The following NID2 variants were observed in gnomAD, a reference collection of about 807,000 sequenced individuals.
NID2 encodes nidogen 2, also known as nidogen-2.
NID2 carries 83 observed loss-of-function variants against 145.4 expected under a neutral mutation model. The observed-to-expected ratio is 0.57, with a 90% CI of 0.48 to 0.69. The LOEUF is 0.69. Among genes scored for constraint, NID2 ranks in the 30% least tolerant of loss-of-function variants. NID2 has a pLI of 0.00. For synonymous variants in NID2, 739 were observed against 701.3 expected (o/e 1.05, Z -0.85); for missense variants, 1,807 against 1,765.7 (o/e 1.02, Z -0.42).
At chr14:52,035,881 T>TATATATATA (rs1294844874) in intron 9 of NID2, among the ~76,000 whole-genome samples, 8 of 49,516 alleles carry the variant, frequency 1.6e-4, no homozygotes, top group Non-Finnish European at 3.8e-4. Context: ...TATATATATG[T>TATATATATA]TTTATTTTGT....
intron 18 of NID2, chr14:52,009,425 C>T (rs1370896607): frequency 1.3e-5 from 2 of 152,184 alleles, no homozygotes; most frequent in Non-Finnish European, 2.9e-5. Flanking sequence ...TGCAGGAAGG[C>T]TTGACAACCA....
intron 2 of NID2, among the ~76,000 whole-genome samples, chr14:52,067,455 G>T (rs1893259345): frequency 6.6e-6 from 1 of 152,298 alleles, no homozygotes; most frequent in African/African-American, 2.4e-5. Context: ...GTGGGAAAAT[G>T]AGTGGTTGTT....
rs529961909 is a variant in NID2, at chr14:52,034,876, T to C, written c.2257+3871A>G. Among the ~76,000 whole-genome samples the C allele has an allele frequency of 4.6e-5, 7 of 152,346 alleles. No individual in the cohort carries two copies. The East Asian group carries it at 1.3e-3, about 29-fold the overall frequency. On this transcript the variant is annotated intron_variant, in intron 9 of 21. Coordinates refer to ENST00000216286, the MANE Select transcript of NID2 (RefSeq NM_007361.4). ...GGTTTTCAGAATTAAAATGTCCCCT[T>C]GATCTGACAAAGCCACTTCCCATCT...
rs754461962 is a variant in NID2 at position 52,011,005 on chromosome 14, C to T, written c.3593G>A (p.Arg1198Lys). The T allele has an allele frequency of 4.3e-6, 7 of 1,614,052 alleles. No individual in the cohort carries two copies. The South Asian group carries it at 4.4e-5, about 10-fold the overall frequency. ...PEGLAIDHIR[R>K]TMYWTDSVLD... ...GACACTGTCCGTCCAGTACATTGTT[C>T]TGCGGATGTGGTCTATGGCAAGTCC... Residue 1198 changes from arginine to lysine, a missense_variant, in exon 18 of 22, where the codon AGA (arginine) becomes AAA (lysine). Physicochemically the swap from Arg to Lys is conservative, Grantham distance 26. Coordinates refer to ENST00000216286, the MANE Select transcript of NID2 (RefSeq NM_007361.4).
In NID2 at chr14:52,027,352, GAGA is replaced by G. The variant is rs764065847; in HGVS notation, c.2531-11_2531-9del. 31 of 1,539,608 alleles carry G rather than the reference GAGA, an allele frequency of 2.0e-5. No homozygotes were observed. Among genetic ancestry groups the G allele is most frequent in the African/African-American group, 2.0e-4 (14 of 71,028 alleles). On this transcript the variant is annotated splice_polypyrimidine_tract_variant and intron_variant, in intron 11 of 21. Transcript: ENST00000216286. ...TGGCAGGTGGGGTGATCACTGAAAA[GAGA>G]AGAAGATAAGGGCATCCAGAGTTTA...
At chr14:52,022,807 C>T (rs1186786865) in intron 12 of NID2, among the ~76,000 whole-genome samples, 1 of 152,168 alleles carries the variant, frequency 6.6e-6, no homozygotes, top group Non-Finnish European at 1.5e-5. Context: ...ATAAACCTAA[C>T]CCCTGGCCTC....
intron 12 of NID2, among the ~76,000 whole-genome samples, chr14:52,025,558 A>G (rs945516089): frequency 2.0e-5 from 3 of 152,234 alleles, no homozygotes; most frequent in Non-Finnish European, 4.4e-5. Context: ...TTTATTTCTT[A>G]TAGTTCTAAA....
intron 5 of NID2, among the ~76,000 whole-genome samples, chr14:52,049,764 C>T (rs1479656441): frequency 6.6e-6 from 1 of 152,164 alleles, no homozygotes; most frequent in Non-Finnish European, 1.5e-5. Flanking sequence ...GCAGTGATCA[C>T]GACCCTGGGG....
rs1396792057 is a variant in NID2, at chr14:52,042,772, A to C, written c.1579+10T>G. The C allele has an allele frequency of 5.6e-6, 9 of 1,614,004 alleles. No individual in the cohort carries two copies. Among genetic ancestry groups the C allele is most frequent in the Non-Finnish European group, 6.8e-6 (8 of 1,179,900 alleles). On this transcript the variant is annotated intron_variant, in intron 6 of 21. Coordinates refer to ENST00000216286, the MANE Select transcript of NID2 (RefSeq NM_007361.4). Reference sequence around the variant, plus strand: ...TAGACACACAGGAGTTCCTGGCCCCAGTCAATTACCTTCAGGCAGACAGTG... The same window carrying C: ...TAGACACACAGGAGTTCCTGGCCCCCGTCAATTACCTTCAGGCAGACAGTG...
At position 52,029,602 on chromosome 14, in the gene NID2, T is replaced by G. The variant is rs1221170017; in HGVS notation, c.2346A>C (p.Val782=). 1 of 1,614,152 alleles carries G rather than the reference T, an allele frequency of 6.2e-7. No individual in the cohort carries two copies. Among genetic ancestry groups the G allele is most frequent in the African/African-American group, 1.3e-5 (1 of 75,070 alleles). ...CAGATGCGCACTCACAGGTGTAATC[T>G]ACACCTGTCCCTGGATGGCACCGTG... ...TTARCHPGTG[V]DYTCECASGY... The change falls in exon 10 of 22, where the codon GTA becomes GTC. Residue 782 remains valine (V), a synonymous_variant. Coordinates refer to ENST00000216286, the MANE Select transcript of NID2 (RefSeq NM_007361.4).
chr14:52,005,745 C>T lies in NID2; in HGVS notation c.4109G>A (p.Cys1370Tyr). ...TAAAGCATACTTTTTACCTGTTGGG[C>T]AGTAGGGGTAGACTGCAGTTATCCC... ...LYGITAVYPY[C>Y]PTGRK The change falls in exon 21 of 22, where the codon TGC (cysteine) becomes TAC (tyrosine). Residue 1370 changes from cysteine to tyrosine, a missense_variant. Physicochemically the swap from Cys to Tyr is radical, Grantham distance 194. Coordinates refer to ENST00000216286, the MANE Select transcript of NID2 (RefSeq NM_007361.4). 6.2e-7 allele frequency: 1 copy of T among 1,612,372 alleles called. No individual in the cohort carries two copies.
At chr14:52,047,019 A>G in intron 5 of NID2, among the ~76,000 whole-genome samples, 1 of 152,234 alleles carries the variant, frequency 6.6e-6, no homozygotes. Context: ...GGTGAAAGGT[A>G]AATGCTTCTT....
chr14:52,065,848 G>A (rs1315870964), intron 2 of NID2, among the ~76,000 whole-genome samples: 1 of 140,124 alleles, frequency 7.1e-6, no homozygotes, highest in African/African-American at 2.8e-5. Flanking sequence ...CATTTTTTAA[G>A]GCTGCATAGT....
intron 20 of NID2, 76 bp from the exon 21 acceptor site, chr14:52,005,925 A>C (rs549754057): frequency 8.8e-7 from 1 of 1,134,576 alleles, no homozygotes; most frequent in East Asian, 2.4e-5. Flanking sequence ...ACAGAAAATC[A>C]GTTGCAATAG....
Position 52,005,802 on chromosome 14 carries a change from T to A in NID2, c.4052A>T (p.Glu1351Val). The change falls in exon 21 of 22, where the codon GAG (glutamate) becomes GTG (valine). Residue 1351 changes from glutamate (E) to valine (V), a missense_variant. Glu to Val is a moderately radical substitution (Grantham distance 121). Coordinates refer to ENST00000216286, the MANE Select transcript of NID2 (RefSeq NM_007361.4). ...GTGAGATCGTTGTTCTGGGAGATAC[T>A]CATCAGTAAACTGGCCACTATGTTT... ...VNKHSGQFTD[E>V]YLPEQRSHLY... 6.2e-7 allele frequency: 1 copy of A among 1,613,876 alleles called. No homozygotes were observed. The highest frequency in any genetic ancestry group is 8.5e-7 in the Non-Finnish European group (1 of 1,179,754).
rs33978626 is a variant in NID2 at position 52,046,341 on chromosome 14, A to AAAAAAGC, written c.1430-3411_1430-3410insGCTTTTT. On this transcript the variant is annotated intron_variant, in intron 5 of 21. Transcript: ENST00000216286. ...CCATCTCAAAAAAAAAAAAAAAAAAAAGCCGTTTTCATAATATTCAGATAA... is the reference window on the plus strand; with the variant it reads ...CCATCTCAAAAAAAAAAAAAAAAAAAAAAAAGCAGCCGTTTTCATAATATTCAGATAA... 8.0e-4 allele frequency among the ~76,000 whole-genome samples: 99 copies of AAAAAAGC among 123,156 alleles called. 17 individuals carry two copies. Among genetic ancestry groups the AAAAAAGC allele is most frequent in the Middle Eastern group, 4.2e-3 (1 of 236 alleles). 80.8% of individuals were successfully genotyped at this position (123,156 alleles called of 152,430 possible). A position where few individuals can be genotyped will look rare whatever the true frequency, so the allele number is the denominator to read the frequency against.
chr14:52,024,056 A>G (rs1306704186), intron 12 of NID2, among the ~76,000 whole-genome samples: 3 of 152,202 alleles, frequency 2.0e-5, no homozygotes, highest in Non-Finnish European at 4.4e-5. Flanking sequence ...TCTTCAAGTT[A>G]CTTTCATGAT....
intron 9 of NID2, among the ~76,000 whole-genome samples, chr14:52,035,856 GTATATATATATATATA>G (rs60735637): frequency 6.1e-5 from 4 of 65,284 alleles, no homozygotes; most frequent in African/African-American, 1.9e-4. Flanking sequence ...ATTTTTTTGT[GTATATATATATATATA>G]TATATATGTT....
chr14:52,006,422 A>G, intron 20 of NID2, 115 bp downstream of exon 20: 1 of 1,186,466 alleles, frequency 8.4e-7, no homozygotes. Context: ...GTGATGAAAC[A>G]AAAGCCTCAG....
Sources: gnomAD v4.1 joint callset for allele counts (sites outside exome capture counted in the v4.1 genomes callset) on GRCh38, gnomAD v4.1.1 for gene constraint, MANE v1.5 for transcripts, NCBI Gene and HGNC (gene_info 2026-07-23, HGNC 2026-07-21) for gene names.